Variants in RFX7 observed in about 807,000 individuals in gnomAD.
RFX7 encodes the protein regulatory factor X7, also known as DNA-binding protein RFX7.
Under a neutral mutation model 111.8 loss-of-function variants are expected in RFX7, and 26 were observed. That is an observed-to-expected ratio of 0.23 (90% CI 0.17 to 0.32). The LOEUF is 0.32. Ranked by LOEUF, RFX7 falls within the 10% of genes least tolerant of loss-of-function variation. The pLI is 1.00. For synonymous variants in RFX7, 624 were observed against 624.4 expected (o/e 1.00, Z 0.01); for missense variants, 1,573 against 1,772.9 (o/e 0.89, Z 2.02).
chr15:56,104,423 T>C (rs970349079), intron 5 of RFX7, among the ~76,000 whole-genome samples: 24 of 152,154 alleles, frequency 1.6e-4, no homozygotes, highest in Non-Finnish European at 3.2e-4. Flanking sequence ...ACCAAGGCCT[T>C]TGGGAGAACC....
intron 2 of RFX7, among the ~76,000 whole-genome samples, chr15:56,209,653 A>G (rs1472352192): frequency 1.3e-5 from 2 of 152,106 alleles, no homozygotes; most frequent in African/African-American, 4.8e-5. Context: ...AATTAATGAC[A>G]GTAGTAATAT....
chr15:56,135,146 G>C (rs1232401077), intron 5 of RFX7, among the ~76,000 whole-genome samples: 1 of 152,040 alleles, frequency 6.6e-6, no homozygotes, highest in Non-Finnish European at 1.5e-5. Flanking sequence ...GGGATGGCTG[G>C]GTCAAATGGT....
rs1471330432 is a variant in RFX7, at chr15:56,243,798, C to G, written c.-356G>C. ...ACGCCACTCCCCACGCCGCCGCCGCCGCCGCCGCTCGCTCCCGGCCCCGCC... is the reference window on the plus strand; with the variant it reads ...ACGCCACTCCCCACGCCGCCGCCGCGGCCGCCGCTCGCTCCCGGCCCCGCC... On this transcript the variant is annotated 5_prime_UTR_variant, in exon 1 of 10. Coordinates refer to ENST00000559447, the MANE Select transcript of RFX7 (RefSeq NM_022841.7). 1.4e-5 allele frequency among the ~76,000 whole-genome samples: 2 copies of G among 147,772 alleles called. No individual in the cohort carries two copies. Among genetic ancestry groups the G allele is most frequent in the African/African-American group, 4.9e-5 (2 of 40,844 alleles).
chr15:56,135,114 C>T (rs1389389674), intron 5 of RFX7, among the ~76,000 whole-genome samples: 118 of 152,176 alleles, frequency 7.8e-4, no homozygotes, highest in Non-Finnish European at 3.1e-4. Flanking sequence ...ATTTATAGTC[C>T]TTTGGGTATA....
intron 2 of RFX7, among the ~76,000 whole-genome samples, chr15:56,230,563 A>G (rs1364626241): frequency 6.6e-6 from 1 of 152,274 alleles, no homozygotes; most frequent in Admixed American, 6.5e-5. Flanking sequence ...AATGCAGTAA[A>G]CAAAAAAAGA....
chr15:56,089,795 C>CGGAG lies in RFX7; in HGVS notation c.*3549_*3550insCTCC, dbSNP rs2041573551. 6.6e-6 allele frequency: 1 copy of CGGAG among 152,122 alleles called. No homozygotes were observed. The highest frequency in any genetic ancestry group is 1.5e-5 in the Non-Finnish European group (1 of 68,034). 9.4% of individuals were successfully genotyped at this position (152,122 alleles called of 1,614,324 possible). On this transcript the variant is annotated 3_prime_UTR_variant, in exon 10 of 10. Transcript: ENST00000559447. Reference sequence around the variant, plus strand: ...GGAGCCTTCCTGCTCTTTACCTCTCCCTTCCTAATCTCCACTCCTTTCCTT... The same window carrying CGGAG: ...GGAGCCTTCCTGCTCTTTACCTCTCCGGAGCTTCCTAATCTCCACTCCTTTCCTT...
At chr15:56,242,101 A>G (rs1245084378) in intron 2 of RFX7, among the ~76,000 whole-genome samples, 1 of 152,228 alleles carries the variant, frequency 6.6e-6, no homozygotes, top group Non-Finnish European at 1.5e-5. Flanking sequence ...CTCATATTCA[A>G]TGATGGCCCT....
At chr15:56,165,095 T>C (rs1352950679) in intron 3 of RFX7, among the ~76,000 whole-genome samples, 3 of 152,160 alleles carry the variant, frequency 2.0e-5, no homozygotes, top group Admixed American at 6.5e-5. Context: ...ATCCCTCACA[T>C]GCTCAGGTCA....
At chr15:56,214,588 G>A (rs993483934) in intron 2 of RFX7, among the ~76,000 whole-genome samples, 5 of 151,910 alleles carry the variant, frequency 3.3e-5, no homozygotes, top group South Asian at 2.1e-4. Flanking sequence ...GGTGGCGGGC[G>A]CCTGTAGTCC....
chr15:56,177,243 T>C (rs1333023849), intron 3 of RFX7, among the ~76,000 whole-genome samples: 1 of 152,212 alleles, frequency 6.6e-6, no homozygotes, highest in African/African-American at 2.4e-5. Flanking sequence ...CACTCAAATG[T>C]CATCTCCTCA....
At chr15:56,109,047 C>CCCT (rs1350746063) in intron 5 of RFX7, among the ~76,000 whole-genome samples, 10 of 151,162 alleles carry the variant, frequency 6.6e-5, no homozygotes, top group Admixed American at 4.0e-4. Flanking sequence ...CTCTCCCACT[C>CCCT]CCTCTGCCTC....
chr15:56,107,257 A>G (rs2041841552), intron 5 of RFX7, among the ~76,000 whole-genome samples: 1 of 125,418 alleles, frequency 8.0e-6, no homozygotes, highest in Non-Finnish European at 1.6e-5. Flanking sequence ...AGATCGCGCC[A>G]CTGCACTCCA....
intron 2 of RFX7, among the ~76,000 whole-genome samples, chr15:56,219,251 G>C (rs2043398932): frequency 6.6e-6 from 1 of 152,022 alleles, no homozygotes; most frequent in African/African-American, 2.4e-5. Context: ...TTTATCACTG[G>C]CAATAATCTT....
intron 2 of RFX7, among the ~76,000 whole-genome samples, chr15:56,217,215 A>C (rs530310710): frequency 1.4e-4 from 21 of 152,322 alleles, no homozygotes; most frequent in Non-Finnish European, 2.9e-5. Flanking sequence ...AAGAATAAGA[A>C]GACAAATGTA....
intron 5 of RFX7, among the ~76,000 whole-genome samples, chr15:56,131,716 T>A (rs1012964984): frequency 2.0e-5 from 3 of 152,330 alleles, no homozygotes; most frequent in Admixed American, 6.5e-5. Context: ...AAGTGATACA[T>A]ACTTAACATC....
chr15:56,181,421 C>T (rs1215473249), intron 2 of RFX7, among the ~76,000 whole-genome samples: 2 of 152,172 alleles, frequency 1.3e-5, no homozygotes, highest in Non-Finnish European at 2.9e-5. Context: ...GCACTTATCA[C>T]CAGTGATGTT....
At chr15:56,243,062 C>CCCCCCCA in intron 2 of RFX7, 63 bp downstream of exon 2, 1 of 1,049,040 alleles carries the variant, frequency 9.5e-7, no homozygotes, top group Non-Finnish European at 1.3e-6. Context: ...CGCCGCCCCC[C>CCCCCCCA]ACCCACTTTG....
At position 56,088,124 on chromosome 15, in the gene RFX7, C is replaced by T. The variant is rs140850705; in HGVS notation, c.*5221G>A. 4.8e-3 allele frequency: 926 copies of T among 191,532 alleles called. 5 individuals are homozygous for T. Among genetic ancestry groups the T allele is most frequent in the African/African-American group, 0.021 (885 of 41,890 alleles). 11.9% of individuals were successfully genotyped at this position (191,532 alleles called of 1,614,324 possible). On this transcript the variant is annotated 3_prime_UTR_variant, in exon 10 of 10. Coordinates refer to ENST00000559447, the MANE Select transcript of RFX7 (RefSeq NM_022841.7). Reference sequence around the variant, plus strand: ...ATGGGAGGTTAAATAAAGAACTCCACAAAAATCAAACTCAATTCTAAATTT... The same window carrying T: ...ATGGGAGGTTAAATAAAGAACTCCATAAAAATCAAACTCAATTCTAAATTT...
chr15:56,166,942 T>C (rs2042790049), intron 3 of RFX7, among the ~76,000 whole-genome samples: 1 of 152,094 alleles, frequency 6.6e-6, no homozygotes, highest in Non-Finnish European at 1.5e-5. Context: ...TTTTATGGAA[T>C]TACTATTCCA....
Sources: gnomAD v4.1 joint callset for allele counts (sites outside exome capture counted in the v4.1 genomes callset) on GRCh38, gnomAD v4.1.1 for gene constraint, MANE v1.5 for transcripts, NCBI Gene and HGNC (gene_info 2026-07-23, HGNC 2026-07-21) for gene names.